Variants in GRIP2 observed in about 807,000 individuals in gnomAD.
GRIP2 encodes the protein glutamate receptor-interacting protein 2.
Under a neutral mutation model 108.3 loss-of-function variants are expected in GRIP2, and 58 were observed. The observed-to-expected ratio is 0.54, with a 90% confidence interval of 0.43 to 0.67. The LOEUF (loss-of-function observed/expected upper bound fraction) is 0.67. Ranked by LOEUF, GRIP2 falls within the 30% of genes least tolerant of loss-of-function variation. GRIP2 has a pLI of 0.00. For missense variants in GRIP2, 1,278 were observed against 1,430.6 expected, an observed-to-expected ratio of 0.89 and a Z score of 1.72; for synonymous variants, 586 against 598.2, an observed-to-expected ratio of 0.98 and a Z score of 0.30.
At position 14,505,579 on chromosome 3, in the gene GRIP2, G is replaced by A; in HGVS notation, c.2573+36C>T. The A allele has an allele frequency of 1.3e-6, 2 of 1,592,404 alleles. No individual in the cohort carries two copies. Among genetic ancestry groups the A allele is most frequent in the Non-Finnish European group, 1.7e-6 (2 of 1,169,074 alleles). On this transcript the variant is annotated intron_variant, in intron 20 of 23. Coordinates refer to ENST00000621039, the MANE Select transcript of GRIP2 (RefSeq NM_001080423.4). The surrounding 1 kb of genome is among the most constrained non-coding windows in gnomAD (Gnocchi z 4.2). ...TCGCCCACCCCAGCCAAGACACTGT[G>A]ACTCCCTCCTCCTTCACGGTGCTCC... is the stretch of plus-strand genomic sequence containing the variant.
At chr3:14,504,465 CCA>C in intron 20 of GRIP2, among the ~76,000 whole-genome samples, 1 of 151,964 alleles carries the variant, frequency 6.6e-6, no homozygotes, top group Admixed American at 6.6e-5. Context: ...GCATGCGCCA[CCA>C]CCCCTGGCCA....
At chr3:14,589,407 C>G in the GRIP2 span, among the ~76,000 whole-genome samples, 1 of 152,068 alleles carries the variant, frequency 6.6e-6, no homozygotes, top group East Asian at 1.9e-4. Flanking sequence ...TGTTGCCTAC[C>G]ATGGGAGAGG....
At position 14,512,706 on chromosome 3, in the gene GRIP2, G is replaced by C; in HGVS notation, c.1720+71C>G. Reference sequence around the variant, plus strand: ...TCACGCCATGGAAATGCTGGTCTGAGCTTGGCAAGCTCTTTTTCCCCAGCA... The same window carrying C: ...TCACGCCATGGAAATGCTGGTCTGACCTTGGCAAGCTCTTTTTCCCCAGCA... On this transcript the variant is annotated intron_variant, in intron 14 of 23. Coordinates refer to ENST00000621039, the MANE Select transcript of GRIP2 (RefSeq NM_001080423.4). This position sits in a 1 kb window ranked among gnomAD's most constrained non-coding sequence, Gnocchi z 5.1. 1 of 1,445,332 alleles carries C rather than the reference G, an allele frequency of 6.9e-7. No homozygotes were observed. The highest frequency in any genetic ancestry group is 9.6e-7 in the Non-Finnish European group (1 of 1,036,844). The allele number at this position is 1,445,332 out of a possible 1,614,324, so 89.5% of individuals were successfully genotyped here. A position where few individuals can be genotyped will look rare whatever the true frequency, so the allele number is the denominator to read the frequency against.
the GRIP2 span, among the ~76,000 whole-genome samples, chr3:14,576,837 C>A: frequency 1.3e-5 from 2 of 152,342 alleles, no homozygotes; most frequent in South Asian, 2.1e-4. Context: ...TGTAAGGAAG[C>A]CCTGTCCTGC....
chr3:14,550,694 C>T (rs1213318664), intron 1 of GRIP2, among the ~76,000 whole-genome samples: 1 of 152,176 alleles, frequency 6.6e-6, no homozygotes, highest in African/African-American at 2.4e-5. Flanking sequence ...TCAGCTCTGG[C>T]CTCAGCCACC....
chr3:14,533,556 A>G (rs1694761112), intron 1 of GRIP2, among the ~76,000 whole-genome samples: 2 of 152,276 alleles, frequency 1.3e-5, no homozygotes, highest in Non-Finnish European at 2.9e-5. Flanking sequence ...ATTCAGACGG[A>G]GGAACAACGG....
chr3:14,512,633 G>A lies in GRIP2; in HGVS notation c.1720+144C>T, dbSNP rs1419812319. ...AGAACACGCAGCTGGGTCCACGGAA[G>A]CCAGCCTCCCCACACCCCCAAGCCT... On this transcript the variant is annotated intron_variant, in intron 14 of 23. Transcript: ENST00000621039. The surrounding 1 kb of genome is among the most constrained non-coding windows in gnomAD (Gnocchi z 5.1). 87 of 710,714 alleles carry A rather than the reference G, an allele frequency of 1.2e-4. No individual in the cohort carries two copies. Among genetic ancestry groups the A allele is most frequent in the Non-Finnish European group, 1.4e-4 (60 of 426,764 alleles). 44.0% of individuals were successfully genotyped at this position (710,714 alleles called of 1,614,324 possible).
intron 21 of GRIP2, among the ~76,000 whole-genome samples, chr3:14,497,318 A>G (rs1397522667): frequency 6.6e-6 from 1 of 152,196 alleles, no homozygotes; most frequent in Admixed American, 6.5e-5. Flanking sequence ...GCCAACATAA[A>G]TAAGATAAAA....
the GRIP2 span, among the ~76,000 whole-genome samples, chr3:14,600,064 C>G: frequency 6.6e-6 from 1 of 152,114 alleles, no homozygotes; most frequent in Non-Finnish European, 1.5e-5. Context: ...CACTGGGCAA[C>G]AGTAGGCCAT....
At chr3:14,526,436 G>T (rs982245625) in intron 1 of GRIP2, among the ~76,000 whole-genome samples, 3 of 152,164 alleles carry the variant, frequency 2.0e-5, no homozygotes, top group Non-Finnish European at 4.4e-5. Context: ...CTCTGACCGA[G>T]ACGAAACTCA....
the GRIP2 span, among the ~76,000 whole-genome samples, chr3:14,568,107 G>C: frequency 2.6e-5 from 4 of 152,238 alleles, no homozygotes; most frequent in African/African-American, 9.6e-5. Context: ...CCAAGGGCCA[G>C]GTTGGCTGCA....
the GRIP2 span, among the ~76,000 whole-genome samples, chr3:14,599,687 G>A: frequency 1.1e-5 from 1 of 94,286 alleles, no homozygotes; most frequent in Non-Finnish European, 2.5e-5. Flanking sequence ...CTCTCTCTCT[G>A]TGTGTGTGTG....
At chr3:14,584,415 G>A in the GRIP2 span, among the ~76,000 whole-genome samples, 1 of 152,144 alleles carries the variant, frequency 6.6e-6, no homozygotes, top group South Asian at 2.1e-4. Flanking sequence ...GGGGCCACAC[G>A]ACCCCCATCG....
chr3:14,570,339 T>C, the GRIP2 span, among the ~76,000 whole-genome samples: 1 of 152,094 alleles, frequency 6.6e-6, no homozygotes, highest in South Asian at 2.1e-4. Flanking sequence ...GTCATGACCC[T>C]TACACTGAAG....
In GRIP2 at chr3:14,507,766, C is replaced by A; in HGVS notation, c.2079-66G>T. On this transcript the variant is annotated intron_variant, in intron 17 of 23. Transcript: ENST00000621039. This position sits in a 1 kb window ranked among gnomAD's most constrained non-coding sequence, Gnocchi z 4.6. The stretch of plus-strand genomic sequence containing the variant: ...TCAGGGCCTCAGAGTGGCAGTCTGC[C>A]CTCAGGGAATCCAGGAGAGCCACAA... 1 of 1,563,664 alleles carries A rather than the reference C, an allele frequency of 6.4e-7. No homozygotes were observed. The highest frequency in any genetic ancestry group is 1.1e-5 in the South Asian group (1 of 88,770).
At chr3:14,543,767 C>T (rs1448363318), upstream of GRIP2, among the ~76,000 whole-genome samples, 1 of 152,226 alleles carries the variant, frequency 6.6e-6, no homozygotes, top group Non-Finnish European at 1.5e-5. Flanking sequence ...GGGGAGATGG[C>T]AGGGCCACTG....
chr3:14,555,609 G>A (rs1695225608), intron 1 of GRIP2, among the ~76,000 whole-genome samples: 1 of 151,946 alleles, frequency 6.6e-6, no homozygotes. Context: ...GCAGGAGAGA[G>A]AGGAGAGAGA....
At chr3:14,534,665 T>C (rs1694791326) in intron 1 of GRIP2, among the ~76,000 whole-genome samples, 1 of 151,734 alleles carries the variant, frequency 6.6e-6, no homozygotes, top group Admixed American at 6.6e-5. Context: ...GAATGTGGGG[T>C]GTGCAAGTCA....
the GRIP2 span, among the ~76,000 whole-genome samples, chr3:14,594,501 C>A: frequency 6.6e-6 from 1 of 152,210 alleles, no homozygotes; most frequent in South Asian, 2.1e-4. Context: ...TGAGGCCTGT[C>A]TGGAGAGTCC....
Sources: allele counts gnomAD v4.1 joint callset (sites outside exome capture counted in the v4.1 genomes callset), GRCh38; gene constraint gnomAD v4.1.1; non-coding constraint Gnocchi (gnomAD v3.1); transcripts MANE v1.5; gene names NCBI Gene and HGNC (gene_info 2026-07-23, HGNC 2026-07-21).